The following NCAM1 variants were observed in gnomAD, a reference collection of about 807,000 sequenced individuals.
The protein encoded by NCAM1 is antigen recognized by monoclonal antibody 5.1H11.
A neutral mutation model predicts 109.8 loss-of-function variants in NCAM1; 14 were observed. The ratio of observed to expected loss-of-function variants is 0.13; its 90% CI spans 0.08 to 0.20. The LOEUF (loss-of-function observed/expected upper bound fraction) is 0.20. Among genes scored for constraint, NCAM1 ranks in the 10% least tolerant of loss-of-function variants. The probability of loss-of-function intolerance (pLI) is 1.00; values close to 1 mark genes in which losing one functional copy is unlikely to be tolerated. For synonymous variants in NCAM1, 418 were observed against 442.9 expected (o/e 0.94, Z 0.70); for missense variants, 774 against 1,109.9 (o/e 0.70, Z 4.30).
At chr11:113,206,610 A>G (rs1341848964) in intron 5 of NCAM1, among the ~76,000 whole-genome samples, 1 of 152,212 alleles carries the variant, frequency 6.6e-6, no homozygotes, top group Admixed American at 6.5e-5. Context: ...GTGTCAAATA[A>G]ACACACCCAT....
chr11:113,015,262 T>C (rs1339535727), intron 1 of NCAM1, among the ~76,000 whole-genome samples: 2 of 152,148 alleles, frequency 1.3e-5, no homozygotes, highest in African/African-American at 4.8e-5. Flanking sequence ...CCCTCCCTGG[T>C]CCAGGTGGCA....
chr11:113,065,976 T>G (rs1937933307), intron 1 of NCAM1, among the ~76,000 whole-genome samples: 1 of 152,230 alleles, frequency 6.6e-6, no homozygotes, highest in Non-Finnish European at 1.5e-5. Context: ...TTTTAAAAAC[T>G]GAAGTTTATT....
chr11:113,157,062 A>G (rs1942434383), intron 1 of NCAM1, among the ~76,000 whole-genome samples: 1 of 152,038 alleles, frequency 6.6e-6, no homozygotes, highest in Non-Finnish European at 1.5e-5. Context: ...CTTGTCACTC[A>G]GTTTGGAATA....
At chr11:112,964,151 TTTTG>T (rs1950660424) in intron 1 of NCAM1, among the ~76,000 whole-genome samples, 1 of 4,312 alleles carries the variant, frequency 2.3e-4, no homozygotes, top group Non-Finnish European at 3.7e-4. Flanking sequence ...TTTTTTTTTT[TTTTG>T]TTTTTTTTTT....
chr11:113,198,634 C>T (rs1943931262), intron 1 of NCAM1, among the ~76,000 whole-genome samples: 1 of 152,148 alleles, frequency 6.6e-6, no homozygotes, highest in Admixed American at 6.5e-5. Flanking sequence ...AGCCACTGCG[C>T]CCGGCTGATG....
At chr11:112,964,814 T>C (rs1471871582) in intron 1 of NCAM1, among the ~76,000 whole-genome samples, 2 of 152,344 alleles carry the variant, frequency 1.3e-5, no homozygotes, top group East Asian at 3.9e-4. Flanking sequence ...TTTAGAAATA[T>C]TAATAACTGA....
At chr11:112,998,313 T>C (rs1365706378) in intron 1 of NCAM1, among the ~76,000 whole-genome samples, 31 of 152,274 alleles carry the variant, frequency 2.0e-4, no homozygotes, top group African/African-American at 7.0e-4. Flanking sequence ...GAGACTCACA[T>C]GAGGTAGTGT....
chr11:113,041,187 G>T (rs1036128658), intron 1 of NCAM1: 5 of 152,130 alleles, frequency 3.3e-5, no homozygotes, highest in Non-Finnish European at 7.4e-5. Flanking sequence ...TAAAAAAATA[G>T]ATATGTGCAG....
intron 1 of NCAM1, among the ~76,000 whole-genome samples, chr11:112,984,973 A>G (rs1951258814): frequency 2.6e-5 from 4 of 151,686 alleles, no homozygotes; most frequent in African/African-American, 7.2e-5. Flanking sequence ...CATTGCCAAG[A>G]CCAGTGTCAA....
At chr11:113,062,922 C>T (rs1051741510) in intron 1 of NCAM1, among the ~76,000 whole-genome samples, 4 of 152,060 alleles carry the variant, frequency 2.6e-5, no homozygotes, top group Non-Finnish European at 5.9e-5. Context: ...GAGCCATGAT[C>T]ATACCACTGC....
In NCAM1 at chr11:113,141,977, C is replaced by T. The variant is rs182801797; in HGVS notation, c.53-60402C>T. On this transcript the variant is annotated intron_variant, in intron 1 of 19. Transcript: ENST00000316851. ...TCCATTTATCAACCCTCTTGAGGTA[C>T]GGTTTTTTAACTAGATGGGAATAAG... Among the ~76,000 whole-genome samples the T allele has an allele frequency of 1.1e-3, 173 of 152,186 alleles. 1 individual carries two copies. The highest frequency in any genetic ancestry group is 9.4e-3 in the South Asian group (45 of 4,806).
chr11:113,203,517 C>T lies in NCAM1; in HGVS notation c.128-769C>T, dbSNP rs564233913. Among the ~76,000 whole-genome samples, 106 of 152,314 alleles carry T rather than the reference C, an allele frequency of 7.0e-4. 2 individuals carry two copies. The highest frequency in any genetic ancestry group is 1.7e-3 in the South Asian group (8 of 4,826). ...ACAGGCAGGGCGCCGCCACATCCGC[C>T]GGATCTGAGCGCCCTTCCAGCTCAG... On this transcript the variant is annotated intron_variant, in intron 2 of 19. Coordinates refer to ENST00000316851, the MANE Select transcript of NCAM1 (RefSeq NM_181351.5).
chr11:113,211,553 G>A (rs375607392), intron 7 of NCAM1, among the ~76,000 whole-genome samples: 7 of 152,016 alleles, frequency 4.6e-5, no homozygotes, highest in Non-Finnish European at 7.3e-5. Context: ...GTCCCTACAC[G>A]TGCCCCTGAA....
At position 113,210,452 on chromosome 11, in the gene NCAM1, G is replaced by A. The variant is rs190565124; in HGVS notation, c.916+2450G>A. Among the ~76,000 whole-genome samples the A allele has an allele frequency of 2.3e-3, 351 of 152,174 alleles. 10 individuals are homozygous for A. Among genetic ancestry groups the A allele is most frequent in the South Asian group, 0.022 (105 of 4,810 alleles). Reference sequence around the variant, plus strand: ...TTGTTAATTCCAGGAAACCCAACAGGACACAAATTGTATCTGAATTATGTG... The same window carrying A: ...TTGTTAATTCCAGGAAACCCAACAGAACACAAATTGTATCTGAATTATGTG... On this transcript the variant is annotated intron_variant, in intron 7 of 19. Coordinates refer to ENST00000316851, the MANE Select transcript of NCAM1 (RefSeq NM_181351.5).
At chr11:113,247,563 C>T (rs1314420757) in intron 15 of NCAM1, among the ~76,000 whole-genome samples, 5 of 152,198 alleles carry the variant, frequency 3.3e-5, no homozygotes, top group Admixed American at 6.5e-5. Flanking sequence ...TCTCTGAGCC[C>T]CTCAGCTTTA....
chr11:113,182,525 C>T (rs1943364946), intron 1 of NCAM1, among the ~76,000 whole-genome samples: 1 of 152,212 alleles, frequency 6.6e-6, no homozygotes, highest in Non-Finnish European at 1.5e-5. Context: ...CTAGGCACTC[C>T]ATGTGTCATT....
intron 1 of NCAM1, among the ~76,000 whole-genome samples, chr11:113,042,568 T>G (rs1393922601): frequency 6.6e-6 from 1 of 152,164 alleles, no homozygotes; most frequent in Non-Finnish European, 1.5e-5. Context: ...CACCCCTAAC[T>G]CTTCTCTCTC....
intron 1 of NCAM1, among the ~76,000 whole-genome samples, chr11:113,175,026 TAA>T (rs1434419797): frequency 2.6e-5 from 4 of 152,302 alleles, no homozygotes; most frequent in Admixed American, 6.5e-5. Flanking sequence ...TCCTACAAAA[TAA>T]GACTCCAGAG....
chr11:113,167,543 T>TAAAA (rs113240328), intron 1 of NCAM1, among the ~76,000 whole-genome samples: 20 of 143,912 alleles, frequency 1.4e-4, no homozygotes, highest in Admixed American at 4.1e-4. Flanking sequence ...TTTTTTTAAT[T>TAAAA]AAAAAAAAAA....
Sources: gnomAD v4.1 joint callset for allele counts (sites outside exome capture counted in the v4.1 genomes callset) on GRCh38, gnomAD v4.1.1 for gene constraint, MANE v1.5 for transcripts, NCBI Gene and HGNC (gene_info 2026-07-23, HGNC 2026-07-21) for gene names.